The following GRK1 variants were observed in gnomAD, a reference collection of about 807,000 sequenced individuals.
The protein encoded by GRK1 is G protein-coupled receptor kinase 1, also known as rhodopsin kinase GRK1.
A neutral mutation model predicts 41.7 loss-of-function variants in GRK1; 28 were observed. The ratio of observed to expected loss-of-function variants is 0.67; its 90% CI spans 0.50 to 0.92. The LOEUF is 0.92. Ranked by LOEUF, GRK1 falls within the 40% of genes least tolerant of loss-of-function variation. GRK1 has a pLI of 0.00. For missense variants in GRK1, 703 were observed against 671.2 expected (o/e 1.05, Z -0.52); for synonymous variants, 327 against 286.7 (o/e 1.14, Z -1.42).
chr13:113,731,440 G>A lies in GRK1; in HGVS notation c.1194+97G>A. ...TGGGATCGTTACTGGGGCAGACCTGGGAGTTGTTCTGTGGGCCCTGGGGTG... is the reference window on the plus strand; with the variant it reads ...TGGGATCGTTACTGGGGCAGACCTGAGAGTTGTTCTGTGGGCCCTGGGGTG... On this transcript the variant is annotated intron_variant, in intron 5 of 6. Transcript: ENST00000335678. The surrounding 1 kb of genome is among the most constrained non-coding windows in gnomAD (Gnocchi z 5.6). 1 of 1,485,908 alleles carries A rather than the reference G, an allele frequency of 6.7e-7. No homozygotes were observed. The allele number at this position is 1,485,908 out of a possible 1,614,324, so 92.0% of individuals were successfully genotyped here.
Position 113,669,752 on chromosome 13 carries a change from T to C in GRK1, c.765T>C (p.Tyr255=), listed in dbSNP as rs748614557. ...GCAGGTTCATCGTGTCTCTGGCCTATGCGTTTGAAACCAAAGCCGACCTCT... is the reference window on the plus strand; with the variant it reads ...GCAGGTTCATCGTGTCTCTGGCCTACGCGTTTGAAACCAAAGCCGACCTCT... The part of the protein sequence containing the change: ...VHSRFIVSLA[Y]AFETKADLCL... Residue 255 remains tyrosine (Y), a synonymous_variant, in exon 2 of 7, where the codon TAT becomes TAC. Coordinates refer to ENST00000335678, the MANE Select transcript of GRK1 (RefSeq NM_002929.3). 154 of 1,613,884 alleles carry C rather than the reference T, an allele frequency of 9.5e-5. No individual in the cohort carries two copies. The highest frequency in any genetic ancestry group is 1.3e-4 in the Non-Finnish European group (152 of 1,179,892).
At chr13:113,665,356 G>GCCCCAGC (rs1161769557), upstream of GRK1, among the ~76,000 whole-genome samples, 63 of 149,968 alleles carry the variant, frequency 4.2e-4, no homozygotes, top group African/African-American at 1.5e-3. Context: ...TGTTGCAGGT[G>GCCCCAGC]TGTCCGAGGT....
the GRK1 span, among the ~76,000 whole-genome samples, chr13:113,654,051 G>A: frequency 6.6e-5 from 10 of 152,170 alleles, no homozygotes; most frequent in Non-Finnish European, 1.0e-4. Context: ...CTTCCCGTGC[G>A]ATTGGGAGCC....
Position 113,736,540 on chromosome 13 carries a change from G to A in GRK1, c.*1177G>A, listed in dbSNP as rs2140742167. The A allele has an allele frequency of 6.6e-6, 1 of 152,326 alleles. No homozygotes were observed. Among genetic ancestry groups the A allele is most frequent in the East Asian group, 1.9e-4 (1 of 5,188 alleles). The allele number at this position is 152,326 out of a possible 1,614,324, so 9.4% of individuals were successfully genotyped here. Reference sequence around the variant, plus strand: ...TTAGTTCTGTTGCAACTGCCTCCAGGACACACTCCCTCTTGAGGGCCGGCG... The same window carrying A: ...TTAGTTCTGTTGCAACTGCCTCCAGAACACACTCCCTCTTGAGGGCCGGCG... On this transcript the variant is annotated 3_prime_UTR_variant, in exon 7 of 7. Coordinates refer to ENST00000335678, the MANE Select transcript of GRK1 (RefSeq NM_002929.3).
At chr13:113,723,810 C>T (rs2049872054) in intron 4 of GRK1, among the ~76,000 whole-genome samples, 1 of 149,778 alleles carries the variant, frequency 6.7e-6, no homozygotes, top group Non-Finnish European at 1.5e-5. Context: ...GCATGTGTGC[C>T]TGTGTGCCCA....
rs1235734355 is a variant in GRK1 at position 113,732,952 on chromosome 13, G to A, written c.1263G>A (p.Gln421=). The A allele has an allele frequency of 2.0e-6, 3 of 1,536,922 alleles. No individual in the cohort carries two copies. The highest frequency in any genetic ancestry group is 1.2e-5 in the South Asian group (1 of 84,068). Residue 421 remains glutamine, a synonymous_variant, in exon 6 of 7, where the codon CAG becomes CAA. Transcript: ENST00000335678. ...EPVKYPDKFS[Q]ASKDFCEALL... is the part of the protein sequence containing the mutation. Reference sequence around the variant, plus strand: ...TGAAGTACCCTGATAAGTTCAGCCAGGCCAGCAAGGACTTCTGCGAGGCGC... The same window carrying A: ...TGAAGTACCCTGATAAGTTCAGCCAAGCCAGCAAGGACTTCTGCGAGGCGC...
Position 113,732,920 on chromosome 13 carries a change from G to A in GRK1, c.1231G>A (p.Glu411Lys), listed in dbSNP as rs1243250896. The change falls in exon 6 of 7, where the codon GAG (glutamate) becomes AAG (lysine). Residue 411 changes from glutamate (E) to lysine (K), a missense_variant. Physicochemically the swap from Glu to Lys is moderately conservative, Grantham distance 56. Coordinates refer to ENST00000335678, the MANE Select transcript of GRK1 (RefSeq NM_002929.3). ...NKELKHRIISEPVKYPDKFSQ... is the reference protein window; with the variant it reads ...NKELKHRIISKPVKYPDKFSQ... The stretch of plus-strand genomic sequence containing the variant: ...GGAGCTGAAGCACCGGATCATCTCA[G>A]AGCCCGTGAAGTACCCTGATAAGTT... 1 of 1,536,880 alleles carries A rather than the reference G, an allele frequency of 6.5e-7. No homozygotes were observed. The highest frequency in any genetic ancestry group is 8.7e-7 in the Non-Finnish European group (1 of 1,146,890).
the GRK1 span, chr13:113,650,531 G>C: frequency 2.5e-6 from 4 of 1,592,240 alleles, no homozygotes; most frequent in African/African-American, 5.4e-5. The surrounding 1 kb of genome is among the most constrained non-coding windows in gnomAD (Gnocchi z 5.0). Flanking sequence ...GCCACTGCCT[G>C]AGTCAGGCGG....
the GRK1 span, chr13:113,658,067 C>A: frequency 1.9e-6 from 3 of 1,610,178 alleles, no homozygotes; most frequent in Non-Finnish European, 2.5e-6. Flanking sequence ...GCATCTGCCC[C>A]GTGTCCGGGT....
chr13:113,733,562 C>T (rs908679759), intron 6 of GRK1, among the ~76,000 whole-genome samples: 1 of 138,154 alleles, frequency 7.2e-6, no homozygotes, highest in South Asian at 2.4e-4. Context: ...CACGTGTGTC[C>T]ATGTATGTGT....
chr13:113,724,936 C>T (rs2049881635), intron 4 of GRK1, among the ~76,000 whole-genome samples: 1 of 152,210 alleles, frequency 6.6e-6, no homozygotes, highest in Non-Finnish European at 1.5e-5. Context: ...GTTAACCTCA[C>T]GGATGGAAAG....
intron 6 of GRK1, among the ~76,000 whole-genome samples, chr13:113,733,966 G>A (rs1007253744): frequency 0.06 from 7,241 of 120,786 alleles, 291 homozygotes; most frequent in Middle Eastern, 0.089. Context: ...ATACGTGTGT[G>A]TGCGTGTGTG....
Position 113,734,001 on chromosome 13 carries a change from T to C in GRK1, c.1396+916T>C, listed in dbSNP as rs925363092. ...GCGCATGTGTGTGCATACATGTGTG[T>C]GCGTGTGCGTGCATGTGTGTGCGTG... On this transcript the variant is annotated intron_variant, in intron 6 of 6. Transcript: ENST00000335678. 3.7e-5 allele frequency among the ~76,000 whole-genome samples: 5 copies of C among 136,294 alleles called. No homozygotes were observed. In the South Asian group the frequency reaches 6.4e-4, roughly 17 times the overall value. The allele number at this position is 136,294 out of a possible 152,430, so 89.4% of individuals were successfully genotyped here.
At chr13:113,733,912 G>GTA (rs2049975178) in intron 6 of GRK1, among the ~76,000 whole-genome samples, 2 of 90,318 alleles carry the variant, frequency 2.2e-5, no homozygotes, top group Non-Finnish European at 4.0e-5. Context: ...TGTGCATACA[G>GTA]TGTGCGTGTG....
chr13:113,658,087 A>T, the GRK1 span: 4 of 1,612,248 alleles, frequency 2.5e-6, no homozygotes, highest in Non-Finnish European at 3.4e-6. Flanking sequence ...TTCCAGCAGT[A>T]ACGCTGGAAC....
In GRK1 at chr13:113,730,237, G is replaced by A. The variant is rs1483809880; in HGVS notation, c.1070-982G>A. Among the ~76,000 whole-genome samples the A allele has an allele frequency of 6.5e-5, 7 of 107,986 alleles. 1 individual carries two copies. Among genetic ancestry groups the A allele is most frequent in the East Asian group, 2.9e-4 (1 of 3,418 alleles). 70.8% of individuals were successfully genotyped at this position (107,986 alleles called of 152,430 possible). ...CCCGACACAGTCCCCCAGTCCCCGT[G>A]GCTGAGCCCAGACCCGCCCCTCCAT... On this transcript the variant is annotated intron_variant, in intron 4 of 6. Coordinates refer to ENST00000335678, the MANE Select transcript of GRK1 (RefSeq NM_002929.3).
chr13:113,668,407 A>AG (rs897736963), intron 1 of GRK1, among the ~76,000 whole-genome samples: 3 of 152,084 alleles, frequency 2.0e-5, no homozygotes, highest in African/African-American at 7.2e-5. Flanking sequence ...GGGAGGCTGA[A>AG]GAGGGGCAGG....
At chr13:113,724,095 C>G (rs1447361203) in intron 4 of GRK1, among the ~76,000 whole-genome samples, 1 of 152,160 alleles carries the variant, frequency 6.6e-6, no homozygotes, top group African/African-American at 2.4e-5. Context: ...TCCCCCCAGG[C>G]AGGGAGGCTC....
At chr13:113,664,580 T>G (rs925103473), upstream of GRK1, among the ~76,000 whole-genome samples, 3 of 152,304 alleles carry the variant, frequency 2.0e-5, no homozygotes, top group Admixed American at 6.5e-5. The surrounding 1 kb of genome is among the most constrained non-coding windows in gnomAD (Gnocchi z 5.4). Context: ...ATATTTAACT[T>G]TATTTAACCG....
Sources: allele counts gnomAD v4.1 joint callset (sites outside exome capture counted in the v4.1 genomes callset), GRCh38; gene constraint gnomAD v4.1.1; non-coding constraint Gnocchi (gnomAD v3.1); transcripts MANE v1.5; gene names NCBI Gene and HGNC (gene_info 2026-07-23, HGNC 2026-07-21).